The following RTN1 variants were observed in gnomAD, a reference collection of about 807,000 sequenced individuals.
RTN1 encodes reticulon 1.
Under a neutral mutation model 65.5 loss-of-function variants are expected in RTN1, and 25 were observed. That is an observed-to-expected ratio of 0.38 (90% CI 0.28 to 0.53). RTN1 has a LOEUF of 0.53. RTN1 is among the 20% of genes least tolerant of loss of function. The pLI is 0.79. For missense variants in RTN1, 983 were observed against 1,025.4 expected (o/e 0.96, Z 0.57); for synonymous variants, 471 against 447.6 (o/e 1.05, Z -0.66).
Position 59,607,383 on chromosome 14 carries a change from G to C in RTN1, c.1875C>G (p.Ala625=). 5.0e-6 allele frequency: 8 copies of C among 1,613,660 alleles called. No individual in the cohort carries two copies. The highest frequency in any genetic ancestry group is 6.8e-6 in the Non-Finnish European group (8 of 1,179,912). ...CTGAGAGTGCGGCCAGGGCCAGGTA[G>C]GCCACGACGCTCACCACGCTGAACT... is the stretch of plus-strand genomic sequence containing the variant. ...LTQFSVVSVV[A]YLALAALSAT... Residue 625 remains alanine (A), a synonymous_variant, in exon 4 of 9, where the codon GCC becomes GCG. Transcript: ENST00000267484.
At chr14:59,814,030 G>T (rs1886775464) in intron 1 of RTN1, among the ~76,000 whole-genome samples, 1 of 152,204 alleles carries the variant, frequency 6.6e-6, no homozygotes, top group African/African-American at 2.4e-5. Flanking sequence ...ATGCCTAGGA[G>T]TAGGCAGTCC....
At chr14:59,598,246 G>A (rs1881468369) in intron 8 of RTN1, among the ~76,000 whole-genome samples, 1 of 152,170 alleles carries the variant, frequency 6.6e-6, no homozygotes, top group African/African-American at 2.4e-5. Context: ...CACTTGATCT[G>A]TTGATAAACT....
chr14:59,734,229 A>C (rs1884959494), intron 2 of RTN1, among the ~76,000 whole-genome samples: 2 of 152,218 alleles, frequency 1.3e-5, no homozygotes, highest in Admixed American at 1.3e-4. Flanking sequence ...CCCCATCCAA[A>C]AGTCAGCAAC....
At chr14:59,769,393 T>C (rs980771871) in intron 1 of RTN1, among the ~76,000 whole-genome samples, 1 of 152,136 alleles carries the variant, frequency 6.6e-6, no homozygotes, top group Non-Finnish European at 1.5e-5. Flanking sequence ...AATATGAATA[T>C]AAAAACATTT....
At chr14:59,619,544 A>C (rs1405049608) in intron 3 of RTN1, among the ~76,000 whole-genome samples, 1 of 152,188 alleles carries the variant, frequency 6.6e-6, no homozygotes, top group Non-Finnish European at 1.5e-5. Context: ...GTGCAGGGCT[A>C]AAATTTAGTA....
chr14:59,785,285 G>A (rs1886231431), intron 1 of RTN1, among the ~76,000 whole-genome samples: 1 of 152,142 alleles, frequency 6.6e-6, no homozygotes, highest in African/African-American at 2.4e-5. Flanking sequence ...CAGTGCTCAA[G>A]CTGTTTCATC....
intron 1 of RTN1, among the ~76,000 whole-genome samples, chr14:59,752,099 C>T (rs1270362385): frequency 6.6e-6 from 1 of 152,200 alleles, no homozygotes; most frequent in Non-Finnish European, 1.5e-5. Flanking sequence ...ACACCTCTGC[C>T]CTTCAATCTC....
In RTN1 at chr14:59,685,196, C is replaced by T. The variant is rs546241354; in HGVS notation, c.1765+41723G>A. On this transcript the variant is annotated intron_variant, in intron 3 of 8. Transcript: ENST00000267484. ...CACAATAAAGGCCATATATGACAAACTCACAGCTAACATCATACCGAACGG... is the reference window on the plus strand; with the variant it reads ...CACAATAAAGGCCATATATGACAAATTCACAGCTAACATCATACCGAACGG... Among the ~76,000 whole-genome samples the T allele has an allele frequency of 2.6e-5, 4 of 151,640 alleles. No homozygotes were observed. In the East Asian group the frequency reaches 5.8e-4, roughly 22 times the overall value.
At chr14:59,762,212 C>G (rs542541300) in intron 1 of RTN1, among the ~76,000 whole-genome samples, 3 of 152,072 alleles carry the variant, frequency 2.0e-5, no homozygotes. Context: ...ATTGGACATC[C>G]CCATTGAATT....
At chr14:59,823,414 G>T (rs1886977788) in intron 1 of RTN1, among the ~76,000 whole-genome samples, 1 of 152,054 alleles carries the variant, frequency 6.6e-6, no homozygotes. Flanking sequence ...GTCACTGCAT[G>T]TGTTTTTGTG....
intron 1 of RTN1, among the ~76,000 whole-genome samples, chr14:59,791,408 G>A (rs557128790): frequency 6.6e-6 from 1 of 152,306 alleles, no homozygotes; most frequent in Admixed American, 6.5e-5. Context: ...GCAGTTACGG[G>A]TGGCAGAGAC....
intron 3 of RTN1, 78 bp from the exon 4 acceptor site, chr14:59,607,570 C>G: frequency 8.1e-7 from 1 of 1,231,772 alleles, no homozygotes; most frequent in Non-Finnish European, 1.2e-6. Flanking sequence ...CTCCACCAAG[C>G]TGTGGTTGCT....
chr14:59,677,777 A>C (rs1362119400), intron 3 of RTN1, among the ~76,000 whole-genome samples: 2 of 152,164 alleles, frequency 1.3e-5, no homozygotes, highest in African/African-American at 2.4e-5. Flanking sequence ...TCTAGCTTCC[A>C]AAGGTGACAA....
chr14:59,863,330 C>T (rs1887742302), intron 1 of RTN1, among the ~76,000 whole-genome samples: 1 of 152,134 alleles, frequency 6.6e-6, no homozygotes. Flanking sequence ...ATTTTCTCCC[C>T]TCTCATTTGC....
At chr14:59,690,546 T>C (rs1883939845) in intron 3 of RTN1, among the ~76,000 whole-genome samples, 1 of 152,078 alleles carries the variant, frequency 6.6e-6, no homozygotes, top group South Asian at 2.1e-4. Flanking sequence ...GGCAGAAAAC[T>C]AATGAAGAAA....
At chr14:59,666,962 CAAAAAAA>C (rs146213616) in intron 3 of RTN1, among the ~76,000 whole-genome samples, 1,349 of 60,166 alleles carry the variant, frequency 0.022, 11 homozygotes, top group South Asian at 0.059. Flanking sequence ...GCCGACCAAC[CAAAAAAA>C]AAAAAAAAAA....
intron 1 of RTN1, among the ~76,000 whole-genome samples, chr14:59,838,135 T>C (rs1353609041): frequency 1.3e-5 from 2 of 152,164 alleles, no homozygotes; most frequent in Admixed American, 6.6e-5. Flanking sequence ...CAGTGTCAAT[T>C]GTTCCTGTCT....
intron 1 of RTN1, among the ~76,000 whole-genome samples, chr14:59,787,925 C>G (rs925068785): frequency 6.6e-6 from 1 of 152,088 alleles, no homozygotes; most frequent in Non-Finnish European, 1.5e-5. Context: ...ATACCTTTTT[C>G]TTTCCCTATA....
intron 3 of RTN1, among the ~76,000 whole-genome samples, chr14:59,699,271 A>G (rs1884129912): frequency 6.6e-6 from 1 of 152,062 alleles, no homozygotes; most frequent in Admixed American, 6.6e-5. Context: ...AACCTATGGA[A>G]ATAAAAAAAT....
Sources: allele counts gnomAD v4.1 joint callset (sites outside exome capture counted in the v4.1 genomes callset), GRCh38; gene constraint gnomAD v4.1.1; transcripts MANE v1.5; gene names NCBI Gene and HGNC (gene_info 2026-07-23, HGNC 2026-07-21).